Variants in LPCAT4 observed in about 807,000 individuals in gnomAD.
The protein encoded by LPCAT4 is lysophospholipid acyltransferase LPCAT4.
A neutral mutation model predicts 66.5 loss-of-function variants in LPCAT4; 30 were observed. That is an observed-to-expected ratio of 0.45 (90% confidence interval 0.34 to 0.61). The LOEUF is 0.61. Among genes scored for constraint, LPCAT4 ranks in the 20% least tolerant of loss-of-function variants. LPCAT4 has a pLI of 0.01. For missense variants in LPCAT4, 557 were observed against 656.7 expected (o/e 0.85, Z 1.66); for synonymous variants, 253 against 262.1 (o/e 0.97, Z 0.34).
intron 3 of LPCAT4, 120 bp from the exon 4 acceptor site, chr15:34,364,426 C>CGT: frequency 1.7e-6 from 1 of 580,094 alleles, no homozygotes; most frequent in South Asian, 2.0e-5. Context: ...TTTTTTTTTT[C>CGT]TGTTGTTGTT....
rs751530413 is a variant in LPCAT4, at chr15:34,363,401, C to T, written c.746+21G>A. On this transcript the variant is annotated intron_variant, in intron 7 of 13. Coordinates refer to ENST00000314891, the MANE Select transcript of LPCAT4 (RefSeq NM_153613.3). The surrounding 1 kb of genome is among the most constrained non-coding windows in gnomAD (Gnocchi z 4.3). Reference sequence around the variant, plus strand: ...ATGGACCCTGCTCCCCACCCTCACCCCCAGGAATACCAGAACTCACACTCC... The same window carrying T: ...ATGGACCCTGCTCCCCACCCTCACCTCCAGGAATACCAGAACTCACACTCC... 6.2e-7 allele frequency: 1 copy of T among 1,612,872 alleles called. No individual in the cohort carries two copies. Among genetic ancestry groups the T allele is most frequent in the Non-Finnish European group, 8.5e-7 (1 of 1,179,384 alleles).
rs757133305 is a variant in LPCAT4 at position 34,362,831 on chromosome 15, T to C, written c.752A>G (p.Lys251Arg). Residue 251 changes from lysine to arginine, a missense_variant, in exon 8 of 14, where the codon AAA becomes AGA. By Grantham distance (26) the Lys-to-Arg change is conservative. Around this residue, in one of 4 missense-constraint regions of LPCAT4, gnomAD observed 392 missense variants for 473.9 expected, o/e 0.83. Coordinates refer to ENST00000314891, the MANE Select transcript of LPCAT4 (RefSeq NM_153613.3). ...SWAWRGPGVL[K>R]VLWLTASQPC... is the part of the protein sequence containing the mutation. The stretch of plus-strand genomic sequence containing the variant: ...CTGAGAGGCTGTGAGCCAGAGGACT[T>C]TGAGTCTAAGAGAAGAGAGATTTCG... 1.2e-6 allele frequency: 2 copies of C among 1,614,104 alleles called. No homozygotes were observed. Among genetic ancestry groups the C allele is most frequent in the Admixed American group, 1.7e-5 (1 of 60,022 alleles).
In LPCAT4 at chr15:34,363,288, G is replaced by A; in HGVS notation, c.746+134C>T. 1.1e-6 allele frequency: 1 copy of A among 918,800 alleles called. No individual in the cohort carries two copies. The highest frequency in any genetic ancestry group is 1.7e-6 in the Non-Finnish European group (1 of 587,496). 56.9% of individuals were successfully genotyped at this position (918,800 alleles called of 1,614,324 possible). ...ATATGGGGACATCAGGGGGAAAGTG[G>A]TGTCTCCTCTAGAGTTCTCTCAGTC... On this transcript the variant is annotated intron_variant, in intron 7 of 13. Coordinates refer to ENST00000314891, the MANE Select transcript of LPCAT4 (RefSeq NM_153613.3). This position sits in a 1 kb window ranked among gnomAD's most constrained non-coding sequence, Gnocchi z 4.3.
At position 34,358,926 on chromosome 15, in the gene LPCAT4, A is replaced by AATAGAT. The variant is rs1162036720; in HGVS notation, c.*195_*200dup. On this transcript the variant is annotated 3_prime_UTR_variant, in exon 14 of 14. Coordinates refer to ENST00000314891, the MANE Select transcript of LPCAT4 (RefSeq NM_153613.3). ...AATATGACTGGACTTCATTTTTTTT[A>AATAGAT]ATAGATATAGATATAGATTTATATT... 1 of 230,724 alleles carries AATAGAT rather than the reference A, an allele frequency of 4.3e-6. No individual in the cohort carries two copies. The highest frequency in any genetic ancestry group is 8.1e-6 in the Non-Finnish European group (1 of 123,202). 14.3% of individuals were successfully genotyped at this position (230,724 alleles called of 1,614,324 possible).
chr15:34,362,172 A>C, intron 10 of LPCAT4, 24 bp downstream of exon 10: 2 of 1,608,286 alleles, frequency 1.2e-6, no homozygotes, highest in African/African-American at 1.4e-5. Context: ...CACTGCTCAT[A>C]CCCTCATTTC....
At position 34,363,335 on chromosome 15, in the gene LPCAT4, C is replaced by G; in HGVS notation, c.746+87G>C. 7.0e-7 allele frequency: 1 copy of G among 1,426,602 alleles called. No individual in the cohort carries two copies. Among genetic ancestry groups the G allele is most frequent in the Non-Finnish European group, 9.7e-7 (1 of 1,031,670 alleles). The allele number at this position is 1,426,602 out of a possible 1,614,324, so 88.4% of individuals were successfully genotyped here. A position where few individuals can be genotyped will look rare whatever the true frequency, so the allele number is the denominator to read the frequency against. On this transcript the variant is annotated intron_variant, in intron 7 of 13. Coordinates refer to ENST00000314891, the MANE Select transcript of LPCAT4 (RefSeq NM_153613.3). The surrounding 1 kb of genome is among the most constrained non-coding windows in gnomAD (Gnocchi z 4.3). ...AGTCCTCAGATGAAGAAGGGCCATTCACCTTGTCGGGAGATTGGAAGATGG... is the reference window on the plus strand; with the variant it reads ...AGTCCTCAGATGAAGAAGGGCCATTGACCTTGTCGGGAGATTGGAAGATGG...
chr15:34,365,188 G>T lies in LPCAT4; in HGVS notation c.298C>A (p.Leu100Met). 1.2e-6 allele frequency: 2 copies of T among 1,613,452 alleles called. No homozygotes were observed. The highest frequency in any genetic ancestry group is 1.7e-6 in the Non-Finnish European group (2 of 1,179,734). Residue 100 changes from leucine to methionine, a missense_variant, in exon 3 of 14, where the codon CTG becomes ATG. Physicochemically the swap from Leu to Met is conservative, Grantham distance 15 (BLOSUM62 2). This residue lies in a region of LPCAT4 where 65 missense variants were observed against 83.5 expected (regional missense o/e 0.78). Coordinates refer to ENST00000314891, the MANE Select transcript of LPCAT4 (RefSeq NM_153613.3). ...HNGVLGLSRL[L>M]FFLLGFLRIR... ...CGGAGGAAGCCCAGCAGGAAAAACA[G>T]CAGGCGGCTCAGGCCTAGCACCCCG...
In LPCAT4 at chr15:34,365,627, G is replaced by T. The variant is rs758529350; in HGVS notation, c.189C>A (p.Pro63=). The T allele has an allele frequency of 6.2e-7, 1 of 1,614,214 alleles. No individual in the cohort carries two copies. Among genetic ancestry groups the T allele is most frequent in the East Asian group, 2.2e-5 (1 of 44,884 alleles). ...GACCGGCCACTTGAAGCCAGGCAAA[G>T]GGCCAGAGGAGAAAGAGGACGATAA... is the stretch of plus-strand genomic sequence containing the variant. The part of the protein sequence containing the change: ...LAFIVLFLLW[P]FAWLQVAGLS... The change falls in exon 2 of 14, where the codon CCC becomes CCA. Residue 63 remains proline, a synonymous_variant. Transcript: ENST00000314891.
chr15:34,359,990 T>G (rs1798911043), intron 12 of LPCAT4, 121 bp downstream of exon 12: 2 of 887,686 alleles, frequency 2.3e-6, no homozygotes, highest in African/African-American at 3.4e-5. Context: ...ACTGTGGCAC[T>G]AGGTTGGATA....
rs765102744 is a variant in LPCAT4 at position 34,361,510 on chromosome 15, C to T, written c.1033G>A (p.Ala345Thr). 2.5e-6 allele frequency: 4 copies of T among 1,613,832 alleles called. No homozygotes were observed. Among genetic ancestry groups the T allele is most frequent in the Middle Eastern group, 1.6e-4 (1 of 6,084 alleles). The change falls in exon 11 of 14, where the codon GCT becomes ACT. Residue 345 changes from alanine (A) to threonine (T), a missense_variant. Ala to Thr is a moderately conservative substitution (Grantham distance 58). Around this residue, in one of 4 missense-constraint regions of LPCAT4, gnomAD observed 392 missense variants for 473.9 expected, o/e 0.83. Coordinates refer to ENST00000314891, the MANE Select transcript of LPCAT4 (RefSeq NM_153613.3). ...KAGLSAGYVD[A>T]GAEPGRSRMI... ...CGACTCCGGCCTGGCTCTGCCCCAG[C>T]GTCCACATAGCCAGCGGACAGCCTA...
At chr15:34,362,526 C>A (rs1255950050) in intron 9 of LPCAT4, 47 bp downstream of exon 9, 1 of 1,516,642 alleles carries the variant, frequency 6.6e-7, no homozygotes, top group African/African-American at 1.4e-5. Flanking sequence ...CCTGTGGTTC[C>A]TTTGCCCTGT....
rs759456265 is a variant in LPCAT4, at chr15:34,360,104, C to G, written c.1242+7G>C. On this transcript the variant is annotated splice_region_variant and intron_variant, in intron 12 of 13. Transcript: ENST00000314891. ...AAGCACCCCCCACCACCGCCACCCC[C>G]CATTACCTCAAAGGCCAGACGAGTT... 1 of 1,608,602 alleles carries G rather than the reference C, an allele frequency of 6.2e-7. No individual in the cohort carries two copies. Among genetic ancestry groups the G allele is most frequent in the South Asian group, 1.1e-5 (1 of 90,938 alleles).
rs1034929432 is a variant in LPCAT4, at chr15:34,363,823, A to G, written c.653-104T>C. 6.3e-6 allele frequency: 9 copies of G among 1,428,532 alleles called. No individual in the cohort carries two copies. The highest frequency in any genetic ancestry group is 6.9e-6 in the Non-Finnish European group (7 of 1,014,502). The allele number at this position is 1,428,532 out of a possible 1,614,324, so 88.5% of individuals were successfully genotyped here. ...GTCTGGGACAGTTCTCAAATGAGAT[A>G]TGGTTTTGTTCCACTCATTGATAAT... is the stretch of plus-strand genomic sequence containing the variant. On this transcript the variant is annotated intron_variant, in intron 5 of 13. Coordinates refer to ENST00000314891, the MANE Select transcript of LPCAT4 (RefSeq NM_153613.3). This position sits in a 1 kb window ranked among gnomAD's most constrained non-coding sequence, Gnocchi z 4.3.
In LPCAT4 at chr15:34,364,988, C is replaced by G; in HGVS notation, c.478+20G>C. Reference sequence around the variant, plus strand: ...CCCAGAGTTGTCACCCTGCCCTTCACCCCCTTTGAACTCTCTCACCTCCAA... The same window carrying G: ...CCCAGAGTTGTCACCCTGCCCTTCAGCCCCTTTGAACTCTCTCACCTCCAA... On this transcript the variant is annotated intron_variant, in intron 3 of 13. Transcript: ENST00000314891. The G allele has an allele frequency of 6.3e-7, 1 of 1,589,338 alleles. No homozygotes were observed. The highest frequency in any genetic ancestry group is 8.6e-7 in the Non-Finnish European group (1 of 1,162,332).
intron 11 of LPCAT4, 56 bp downstream of exon 11, chr15:34,361,344 T>C (rs972484038): frequency 1.9e-6 from 3 of 1,608,788 alleles, no homozygotes; most frequent in South Asian, 2.2e-5. Flanking sequence ...ACTAGGAACA[T>C]GTCAGCCTGG....
rs780750071 is a variant in LPCAT4 at position 34,359,145 on chromosome 15, G to A, written c.1557C>T (p.Pro519=). ...GAGGCACTCAGTCTCCCTTCTGCTTGGGTGCTTGCACAGTCCCATTGGCCA... is the reference window on the plus strand; with the variant it reads ...GAGGCACTCAGTCTCCCTTCTGCTTAGGTGCTTGCACAGTCCCATTGGCCA... ...TALANGTVQA[P]KQKGD is the part of the protein sequence containing the mutation. Residue 519 remains proline (P), a synonymous_variant, in exon 14 of 14, where the codon CCC becomes CCT. Transcript: ENST00000314891. 249 of 1,604,802 alleles carry A rather than the reference G, an allele frequency of 1.6e-4. No homozygotes were observed. The highest frequency in any genetic ancestry group is 2.0e-4 in the Non-Finnish European group (238 of 1,176,566).
Position 34,363,625 on chromosome 15 carries a change from C to T in LPCAT4, c.711+36G>A. ...TATTTCCATTTGGGGTGGATTTGTG[C>T]TCCCCCTTTCCACTCTTTCTTGGAC... On this transcript the variant is annotated intron_variant, in intron 6 of 13. Coordinates refer to ENST00000314891, the MANE Select transcript of LPCAT4 (RefSeq NM_153613.3). The surrounding 1 kb of genome is among the most constrained non-coding windows in gnomAD (Gnocchi z 4.3). 1 of 1,611,974 alleles carries T rather than the reference C, an allele frequency of 6.2e-7. No individual in the cohort carries two copies. Among genetic ancestry groups the T allele is most frequent in the Non-Finnish European group, 8.5e-7 (1 of 1,178,054 alleles).
intron 3 of LPCAT4, chr15:34,364,606 T>TTTTTTTTA (rs1555395815): frequency 6.8e-5 from 17 of 249,714 alleles, no homozygotes; most frequent in Admixed American, 1.0e-4. Flanking sequence ...TTTTTTTTTT[T>TTTTTTTTA]ACGCCCGGCT....
In LPCAT4 at chr15:34,364,756, TTA is replaced by T. The variant is rs945424525; in HGVS notation, c.478+250_478+251del. 21 of 463,328 alleles carry T rather than the reference TTA, an allele frequency of 4.5e-5. 1 individual carries two copies. 28.7% of individuals were successfully genotyped at this position (463,328 alleles called of 1,614,324 possible). A position where few individuals can be genotyped will look rare whatever the true frequency, so the allele number is the denominator to read the frequency against. ...GGCGCGAGCCACCGTGCCTGGCCTG[TTA>T]TCTTTGCCCTGGGACAATCCCTTTA... On this transcript the variant is annotated intron_variant, in intron 3 of 13. Coordinates refer to ENST00000314891, the MANE Select transcript of LPCAT4 (RefSeq NM_153613.3).
Sources: allele counts gnomAD v4.1 joint callset, GRCh38; gene constraint gnomAD v4.1.1; regional missense constraint gnomAD v4.1.1; non-coding constraint Gnocchi (gnomAD v3.1); transcripts MANE v1.5; gene names NCBI Gene and HGNC (gene_info 2026-07-23, HGNC 2026-07-21).